Variants in MALRD1 observed in about 807,000 individuals in gnomAD.
MALRD1 encodes the protein MAM and LDL receptor class A domain containing 1, also known as MAM and LDL-receptor class A domain-containing protein 1.
In MALRD1, 247 loss-of-function variants were observed where a neutral mutation model predicts 242.1. The ratio of observed to expected loss-of-function variants is 1.02; its 90% CI spans 0.92 to 1.13. The LOEUF is 1.13. MALRD1 is among the 50% of genes most tolerant of loss of function. The probability of loss-of-function intolerance (pLI) is 0.00; values close to 1 mark genes in which losing one functional copy is unlikely to be tolerated. For missense variants in MALRD1, 2,989 were observed against 2,533.1 expected, an observed-to-expected ratio of 1.18 and a Z score of -3.86; for synonymous variants, 995 against 866.6, an observed-to-expected ratio of 1.15 and a Z score of -2.60.
intron 35 of MALRD1, among the ~76,000 whole-genome samples, chr10:19,608,759 T>C (rs944419873): frequency 2.6e-5 from 4 of 152,008 alleles, no homozygotes; most frequent in African/African-American, 9.7e-5. Context: ...AAAAGTCTTA[T>C]TTTTTTATAC....
At chr10:19,687,595 A>G (rs1277439688) in intron 36 of MALRD1, among the ~76,000 whole-genome samples, 1 of 152,056 alleles carries the variant, frequency 6.6e-6, no homozygotes, top group Non-Finnish European at 1.5e-5. Flanking sequence ...CTTTACCCCA[A>G]CCAACTATAA....
At chr10:19,497,994 A>G (rs1374266291) in intron 30 of MALRD1, among the ~76,000 whole-genome samples, 1 of 152,198 alleles carries the variant, frequency 6.6e-6, no homozygotes, top group South Asian at 2.1e-4. Context: ...CTGATATTTG[A>G]TGCTGCAGTG....
At chr10:19,530,430 A>C (rs1387046408) in intron 31 of MALRD1, among the ~76,000 whole-genome samples, 577 of 20,528 alleles carry the variant, frequency 0.028, 84 homozygotes, top group Non-Finnish European at 0.13. Flanking sequence ...TAAATATATA[A>C]TATATATAAT....
At chr10:19,639,445 C>T (rs759414251) in intron 36 of MALRD1, among the ~76,000 whole-genome samples, 2 of 152,122 alleles carry the variant, frequency 1.3e-5, no homozygotes, top group Non-Finnish European at 2.9e-5. Context: ...CCCTTTAAGG[C>T]AACATTTCCT....
At chr10:19,332,924 G>T (rs1005170619) in intron 24 of MALRD1, among the ~76,000 whole-genome samples, 19 of 152,058 alleles carry the variant, frequency 1.2e-4, no homozygotes, top group Non-Finnish European at 2.9e-5. Context: ...TGCACAACGT[G>T]CAGGTTTGTT....
intron 33 of MALRD1, among the ~76,000 whole-genome samples, chr10:19,575,265 C>T (rs1452444324): frequency 1.3e-5 from 2 of 152,160 alleles, no homozygotes; most frequent in Non-Finnish European, 2.9e-5. Context: ...GCTAAACAAA[C>T]CCCCAGTTTG....
At chr10:19,585,429 A>G (rs1472897315) in intron 33 of MALRD1, among the ~76,000 whole-genome samples, 2 of 152,058 alleles carry the variant, frequency 1.3e-5, no homozygotes, top group African/African-American at 4.8e-5. Flanking sequence ...TGGTGGTGAC[A>G]AAATCTCTCA....
At chr10:19,516,947 C>G (rs962288901) in intron 31 of MALRD1, among the ~76,000 whole-genome samples, 6 of 152,102 alleles carry the variant, frequency 3.9e-5, no homozygotes, top group Admixed American at 1.3e-4. Context: ...GAAAGAACGG[C>G]ATAGCTAAAA....
intron 17 of MALRD1, among the ~76,000 whole-genome samples, chr10:19,205,578 T>G (rs1836747443): frequency 6.6e-6 from 1 of 151,976 alleles, no homozygotes; most frequent in South Asian, 2.1e-4. Flanking sequence ...GTAGCTTTGA[T>G]AGGAGCGATG....
intron 29 of MALRD1, among the ~76,000 whole-genome samples, chr10:19,470,699 C>A (rs887856494): frequency 5.9e-5 from 9 of 151,932 alleles, no homozygotes; most frequent in African/African-American, 2.2e-4. Flanking sequence ...TCCATGTTTT[C>A]ATATACCTGT....
At chr10:19,112,595 G>A (rs1367233102) in intron 5 of MALRD1, among the ~76,000 whole-genome samples, 4 of 152,062 alleles carry the variant, frequency 2.6e-5, no homozygotes, top group South Asian at 2.1e-4. Context: ...TAAGATGACC[G>A]TTAAAGGCCT....
chr10:19,698,230 A>T (rs1474391791), intron 38 of MALRD1, among the ~76,000 whole-genome samples: 1 of 152,222 alleles, frequency 6.6e-6, no homozygotes, highest in Non-Finnish European at 1.5e-5. Context: ...TGAGGTGTAA[A>T]GCTCAGATAT....
chr10:19,055,103 T>G (rs1228976650), intron 1 of MALRD1, among the ~76,000 whole-genome samples: 1 of 152,206 alleles, frequency 6.6e-6, no homozygotes, highest in East Asian at 1.9e-4. Context: ...CTAACAGATA[T>G]GAGATTATAT....
intron 2 of MALRD1, among the ~76,000 whole-genome samples, chr10:19,086,013 T>C (rs1185583170): frequency 6.6e-6 from 1 of 152,082 alleles, no homozygotes; most frequent in Admixed American, 6.6e-5. Context: ...GTTTACCTGC[T>C]GCAAGAGCCA....
At position 19,396,546 on chromosome 10, in the gene MALRD1, G is replaced by T. The variant is rs146626014; in HGVS notation, c.4845+6937G>T. On this transcript the variant is annotated intron_variant, in intron 28 of 39. Coordinates refer to ENST00000454679, the MANE Select transcript of MALRD1 (RefSeq NM_001142308.3). ...TTTCTAATTTTACAGACCACAAAAT[G>T]AAGACCCATGTCACATAAAAATTAT... 1.4e-3 allele frequency among the ~76,000 whole-genome samples: 217 copies of T among 152,242 alleles called. 2 individuals carry two copies. The East Asian group carries it at 0.04, about 28-fold the overall frequency.
chr10:19,330,193 C>A (rs931097267), intron 23 of MALRD1, among the ~76,000 whole-genome samples: 1 of 151,850 alleles, frequency 6.6e-6, no homozygotes, highest in Non-Finnish European at 1.5e-5. Flanking sequence ...CTATGAAGAG[C>A]AGTCTATTCC....
intron 24 of MALRD1, among the ~76,000 whole-genome samples, chr10:19,339,124 C>T (rs2130949112): frequency 6.6e-6 from 1 of 151,744 alleles, no homozygotes; most frequent in African/African-American, 2.4e-5. Context: ...GAAAAACAGT[C>T]TGCAGCTCTA....
intron 29 of MALRD1, among the ~76,000 whole-genome samples, chr10:19,485,122 A>G (rs949000101): frequency 6.6e-6 from 1 of 152,194 alleles, no homozygotes; most frequent in East Asian, 1.9e-4. Context: ...GAGCTAAGCT[A>G]TGGATATATG....
chr10:19,218,022 ATT>A (rs1837397702), intron 18 of MALRD1, among the ~76,000 whole-genome samples: 1 of 152,008 alleles, frequency 6.6e-6, no homozygotes, highest in East Asian at 1.9e-4. Flanking sequence ...CCAGTTCATC[ATT>A]CTTTGTGCTC....
Sources: gnomAD v4.1 joint callset for allele counts (sites outside exome capture counted in the v4.1 genomes callset) on GRCh38, gnomAD v4.1.1 for gene constraint, MANE v1.5 for transcripts, NCBI Gene and HGNC (gene_info 2026-07-23, HGNC 2026-07-21) for gene names.